FRMPD4: variants seen among roughly 807,000 people sequenced by gnomAD.
The protein encoded by FRMPD4 is FERM and PDZ domain-containing protein 4.
A neutral mutation model predicts 94.1 loss-of-function variants in FRMPD4; 22 were observed. That is an observed-to-expected ratio of 0.23 (90% CI 0.17 to 0.33). The LOEUF is 0.33. Ranked by LOEUF, FRMPD4 falls within the 10% of genes least tolerant of loss-of-function variation. The pLI is 1.00. For synonymous variants in FRMPD4, 631 were observed against 548.6 expected, an observed-to-expected ratio of 1.15 and a Z score of -2.10; for missense variants, 1,111 against 1,339.9, an observed-to-expected ratio of 0.83 and a Z score of 2.67.
intron 1 of FRMPD4, among the ~76,000 whole-genome samples, chrX:12,371,616 A>G (rs2056163976): frequency 8.9e-6 from 1 of 112,025 alleles, no homozygotes; most frequent in East Asian, 2.8e-4. Flanking sequence ...AGTCTTTATT[A>G]TGCTACAGGC....
Position 12,701,945 on chromosome X carries a change from A to G in FRMPD4, c.1005A>G (p.Ala335=). 1 of 1,210,054 alleles carries G rather than the reference A, an allele frequency of 8.3e-7. No homozygotes were observed. Among genetic ancestry groups the G allele is most frequent in the Non-Finnish European group, 1.1e-6 (1 of 893,254 alleles). The change falls in exon 10 of 17, where the codon GCA becomes GCG. Residue 335 remains alanine, a synonymous_variant. Coordinates refer to ENST00000675598, the MANE Select transcript of FRMPD4 (RefSeq NM_001368397.1). ...LKYDIALRLA[A]LQMYIATVTT... ...ATGACATAGCCCTGCGGCTGGCCGC[A>G]TTACAAATGTACATTGCAACCGTTA...
intron 3 of FRMPD4, among the ~76,000 whole-genome samples, chrX:11,895,317 A>G (rs966260643): frequency 9.0e-6 from 1 of 111,643 alleles, no homozygotes; most frequent in Admixed American, 9.5e-5. Context: ...ATATGCCCTG[A>G]GGGACAAAAA....
intron 3 of FRMPD4, among the ~76,000 whole-genome samples, chrX:11,962,075 A>G (rs2054286881): frequency 8.9e-6 from 1 of 112,653 alleles, no homozygotes; most frequent in African/African-American, 3.2e-5. Context: ...AAGCTTAGAA[A>G]CTAAAGGAAG....
chrX:11,830,161 CTATAA>C (rs2147272249), intron 1 of FRMPD4, among the ~76,000 whole-genome samples: 1 of 111,657 alleles, frequency 9.0e-6, no homozygotes, highest in South Asian at 3.8e-4. Flanking sequence ...GGAGATATAA[CTATAA>C]TATATGTCTA....
intron 2 of FRMPD4, among the ~76,000 whole-genome samples, chrX:11,867,120 T>C (rs189229761): frequency 2.5e-3 from 279 of 111,656 alleles, no homozygotes; most frequent in Non-Finnish European, 3.4e-3. Context: ...ACTGTATCTC[T>C]ATAGCTGTAT....
intron 1 of FRMPD4, among the ~76,000 whole-genome samples, chrX:12,360,265 A>G (rs949290532): frequency 1.8e-5 from 2 of 111,832 alleles, no homozygotes; most frequent in Non-Finnish European, 3.8e-5. Context: ...TTTTGATTCT[A>G]TCCTGAATCT....
At chrX:12,124,392 T>C (rs1326517305) in intron 3 of FRMPD4, among the ~76,000 whole-genome samples, 1 of 112,272 alleles carries the variant, frequency 8.9e-6, no homozygotes, top group Non-Finnish European at 1.9e-5. Flanking sequence ...CCCTAACATG[T>C]GGCAGACCAA....
intron 4 of FRMPD4, among the ~76,000 whole-genome samples, chrX:12,623,740 C>T (rs2059321142): frequency 9.0e-6 from 1 of 110,964 alleles, no homozygotes; most frequent in Non-Finnish European, 1.9e-5. Context: ...AAGCCAAACA[C>T]AGACATAGAA....
intron 1 of FRMPD4, among the ~76,000 whole-genome samples, chrX:11,863,075 G>T (rs1464547781): frequency 9.5e-6 from 1 of 105,175 alleles, no homozygotes; most frequent in Non-Finnish European, 1.9e-5. Flanking sequence ...CAACGTGCAG[G>T]TTTGTTACAT....
intron 3 of FRMPD4, among the ~76,000 whole-genome samples, chrX:12,121,660 G>A (rs1348791354): frequency 9.0e-6 from 1 of 111,426 alleles, no homozygotes; most frequent in East Asian, 2.8e-4. Context: ...GCAAAACTTT[G>A]GGATCACTCT....
At chrX:12,478,269 G>C (rs976408523) in intron 1 of FRMPD4, among the ~76,000 whole-genome samples, 1 of 111,867 alleles carries the variant, frequency 8.9e-6, no homozygotes. Flanking sequence ...GACAGGGAAG[G>C]ACAGGCCCTA....
At chrX:12,406,427 T>G (rs777855340) in intron 1 of FRMPD4, among the ~76,000 whole-genome samples, 1 of 112,014 alleles carries the variant, frequency 8.9e-6, no homozygotes, top group South Asian at 3.7e-4. Context: ...TTTTCGATGT[T>G]AGAGGGAAAA....
Position 11,849,063 on chromosome X carries a change from G to A in FRMPD4, c.-160-16023G>A, listed in dbSNP as rs971901738. On this transcript the variant is annotated intron_variant, in intron 1 of 18. Coordinates refer to the FRMPD4 transcript ENST00000640291. The stretch of plus-strand genomic sequence containing the variant: ...GATCTTACATGTAGAAAACCCTAAA[G>A]ATTCTATGAGAAAGCTGGTAGAACT... Among the ~76,000 whole-genome samples, 6 of 111,629 alleles carry A rather than the reference G, an allele frequency of 5.4e-5. No individual in the cohort carries two copies. The Admixed American group carries it at 5.8e-4, about 11-fold the overall frequency.
chrX:11,906,613 A>G (rs922638953), intron 3 of FRMPD4, among the ~76,000 whole-genome samples: 1 of 110,180 alleles, frequency 9.1e-6, no homozygotes, highest in East Asian at 2.8e-4. Flanking sequence ...GTATATAATG[A>G]GTTGTTTTTC....
chrX:12,473,792 T>C (rs1463953592), intron 1 of FRMPD4, among the ~76,000 whole-genome samples: 3 of 104,468 alleles, frequency 2.9e-5, no homozygotes, highest in African/African-American at 7.3e-5. Context: ...GCACCCAATA[T>C]AGGAGCACCC....
intron 3 of FRMPD4, among the ~76,000 whole-genome samples, chrX:12,121,353 G>T (rs1378147377): frequency 1.8e-5 from 2 of 111,199 alleles, no homozygotes; most frequent in Non-Finnish European, 3.8e-5. Context: ...TGTTATATGT[G>T]TGTAATAGAT....
chrX:12,332,207 TAGAGAGAG>T (rs531737337), intron 1 of FRMPD4, among the ~76,000 whole-genome samples: 966 of 59,518 alleles, frequency 0.016, 64 homozygotes, highest in African/African-American at 0.053. Context: ...TATATATATA[TAGAGAGAG>T]AGAGAGAGAG....
chrX:12,458,523 A>G, intron 1 of FRMPD4, among the ~76,000 whole-genome samples: 1 of 111,967 alleles, frequency 8.9e-6, no homozygotes, highest in East Asian at 2.8e-4. Flanking sequence ...GTCTGATGTC[A>G]CTTATGTGAC....
intron 1 of FRMPD4, among the ~76,000 whole-genome samples, chrX:11,842,326 A>G (rs1445392961): frequency 1.0e-5 from 1 of 99,697 alleles, no homozygotes; most frequent in Non-Finnish European, 2.0e-5. Flanking sequence ...TGAATCTATA[A>G]ATTACCTTGG....
Sources: allele counts gnomAD v4.1 joint callset (sites outside exome capture counted in the v4.1 genomes callset), GRCh38; gene constraint gnomAD v4.1.1; transcripts MANE v1.5; gene names NCBI Gene and HGNC (gene_info 2026-07-23, HGNC 2026-07-21).